The following SOX5 variants were observed in gnomAD, a reference collection of about 807,000 sequenced individuals.
SOX5 encodes transcription factor SOX-5.
In SOX5, 9 loss-of-function variants were observed where a neutral mutation model predicts 92.0. The observed-to-expected ratio is 0.10, with a 90% CI of 0.06 to 0.17. SOX5 has a LOEUF of 0.17. Among genes scored for constraint, SOX5 ranks in the 10% least tolerant of loss-of-function variants. The probability of loss-of-function intolerance (pLI) is 1.00; values close to 1 mark genes in which losing one functional copy is unlikely to be tolerated. For missense variants in SOX5, 642 were observed against 944.5 expected, an observed-to-expected ratio of 0.68 and a Z score of 4.20; for synonymous variants, 344 against 336.3, an observed-to-expected ratio of 1.02 and a Z score of -0.25.
intron 8 of SOX5, among the ~76,000 whole-genome samples, chr12:23,612,340 A>T (rs936629570): frequency 2.0e-5 from 3 of 152,128 alleles, no homozygotes; most frequent in African/African-American, 7.2e-5. Context: ...AAATGTGACC[A>T]ATGAGATTGT....
chr12:24,545,150 T>A (rs1952501548), intron 1 of SOX5, among the ~76,000 whole-genome samples: 1 of 152,072 alleles, frequency 6.6e-6, no homozygotes, highest in African/African-American at 2.4e-5. Context: ...CTATACCCCG[T>A]ACATAAAGAG....
intron 1 of SOX5, among the ~76,000 whole-genome samples, chr12:23,942,931 C>T (rs1943929858): frequency 6.6e-6 from 1 of 152,024 alleles, no homozygotes; most frequent in Non-Finnish European, 1.5e-5. Context: ...ATGTGAAGAG[C>T]AGAAATAGAA....
chr12:23,992,866 C>A (rs1198581633), intron 4 of SOX5, among the ~76,000 whole-genome samples: 1 of 152,228 alleles, frequency 6.6e-6, no homozygotes. Flanking sequence ...ATAAAGCATG[C>A]ATGACAAAAG....
chr12:23,554,411 C>A (rs181478309), intron 11 of SOX5, among the ~76,000 whole-genome samples: 1 of 152,048 alleles, frequency 6.6e-6, no homozygotes, highest in Non-Finnish European at 1.5e-5. Context: ...GGGGCACAGG[C>A]GAATTGAACA....
intron 2 of SOX5, among the ~76,000 whole-genome samples, chr12:24,302,814 C>T (rs1030400647): frequency 2.0e-5 from 3 of 151,994 alleles, no homozygotes; most frequent in African/African-American, 4.8e-5. Flanking sequence ...GGGTCCAATG[C>T]GTCACAATGG....
intron 6 of SOX5, among the ~76,000 whole-genome samples, chr12:23,724,754 A>G (rs2093024218): frequency 6.6e-6 from 1 of 152,170 alleles, no homozygotes; most frequent in Admixed American, 6.6e-5. Context: ...GGTCTAAATT[A>G]TATGATTAAA....
At chr12:23,681,885 A>T (rs1325738282) in intron 6 of SOX5, among the ~76,000 whole-genome samples, 1 of 151,808 alleles carries the variant, frequency 6.6e-6, no homozygotes, top group Admixed American at 6.6e-5. Context: ...TAACAGGAAG[A>T]CATAATAATT....
chr12:23,580,022 C>T (rs750226635), intron 9 of SOX5, among the ~76,000 whole-genome samples: 4 of 151,964 alleles, frequency 2.6e-5, no homozygotes, highest in Non-Finnish European at 5.9e-5. Context: ...TAGCTCCAAA[C>T]TTGTATATCA....
intron 1 of SOX5, among the ~76,000 whole-genome samples, chr12:24,414,396 C>T (rs2136837330): frequency 6.6e-6 from 1 of 152,302 alleles, no homozygotes; most frequent in Non-Finnish European, 1.5e-5. Context: ...ACCTCCTAGT[C>T]AAGTTCATGT....
intron 4 of SOX5, among the ~76,000 whole-genome samples, chr12:23,986,293 A>C (rs1184672133): frequency 1.3e-5 from 2 of 152,138 alleles, no homozygotes; most frequent in African/African-American, 4.8e-5. Context: ...TTTTCATGGA[A>C]TCTCAGGGAA....
intron 10 of SOX5, among the ~76,000 whole-genome samples, chr12:23,573,588 A>G (rs1948699692): frequency 6.6e-6 from 1 of 152,180 alleles, no homozygotes; most frequent in Non-Finnish European, 1.5e-5. Flanking sequence ...TTTGCATCTA[A>G]AAAAAGTGTA....
At chr12:24,409,472 T>C (rs974249956) in intron 1 of SOX5, among the ~76,000 whole-genome samples, 1 of 152,186 alleles carries the variant, frequency 6.6e-6, no homozygotes, top group Non-Finnish European at 1.5e-5. Flanking sequence ...AATAATTTTT[T>C]TTAAAGTTTG....
chr12:24,560,560 C>T (rs1344111733), intron 1 of SOX5, among the ~76,000 whole-genome samples: 2 of 152,128 alleles, frequency 1.3e-5, no homozygotes, highest in Non-Finnish European at 2.9e-5. Flanking sequence ...GGAAGAAGCA[C>T]CCCTAGAAAC....
At chr12:24,086,219 T>C (rs1163030339) in intron 4 of SOX5, among the ~76,000 whole-genome samples, 4 of 152,000 alleles carry the variant, frequency 2.6e-5, no homozygotes, top group African/African-American at 9.6e-5. Context: ...TGTCAAAATA[T>C]ACTCTTAGTT....
intron 2 of SOX5, 94 bp from the exon 3 acceptor site, chr12:23,846,287 C>T: frequency 1.0e-6 from 1 of 967,040 alleles, no homozygotes; most frequent in Non-Finnish European, 1.6e-6. Flanking sequence ...AGCAAAAGGA[C>T]AAATAATTGT....
At chr12:23,590,634 G>A (rs550411934) in intron 9 of SOX5, among the ~76,000 whole-genome samples, 5 of 151,836 alleles carry the variant, frequency 3.3e-5, no homozygotes, top group African/African-American at 1.2e-4. Flanking sequence ...TTACTTGTTT[G>A]TTTTCCCCAT....
At chr12:23,861,162 A>G in intron 2 of SOX5, among the ~76,000 whole-genome samples, 1 of 152,112 alleles carries the variant, frequency 6.6e-6, no homozygotes, top group East Asian at 1.9e-4. Context: ...AAACGGAAGC[A>G]ACTTTCCCTT....
chr12:24,530,146 T>C (rs2138634746), intron 1 of SOX5, among the ~76,000 whole-genome samples: 1 of 152,160 alleles, frequency 6.6e-6, no homozygotes, highest in South Asian at 2.1e-4. Context: ...CTGGTTATTC[T>C]ACATTTCATC....
At position 23,563,444 on chromosome 12, in the gene SOX5, G is replaced by A. The variant is rs200343304; in HGVS notation, c.1343-41C>T. On this transcript the variant is annotated intron_variant, in intron 10 of 14. Coordinates refer to ENST00000451604, the MANE Select transcript of SOX5 (RefSeq NM_006940.6). Reference sequence around the variant, plus strand: ...ATCAAAGGATATCTTTTGTATAAAAGCATGTCTAGGCTAGCGTTTAACCAT... The same window carrying A: ...ATCAAAGGATATCTTTTGTATAAAAACATGTCTAGGCTAGCGTTTAACCAT... 5.2e-4 allele frequency: 819 copies of A among 1,584,960 alleles called. 1 individual carries two copies. The African/African-American group carries it at 9.1e-3, about 18-fold the overall frequency.
Sources: gnomAD v4.1 joint callset for allele counts (sites outside exome capture counted in the v4.1 genomes callset) on GRCh38, gnomAD v4.1.1 for gene constraint, MANE v1.5 for transcripts, NCBI Gene and HGNC (gene_info 2026-07-23, HGNC 2026-07-21) for gene names.